The following ACSL3 variants were observed in gnomAD, a reference collection of about 807,000 sequenced individuals.
ACSL3 encodes fatty acid CoA ligase Acsl3.
Under a neutral mutation model 84.7 loss-of-function variants are expected in ACSL3, and 34 were observed. The observed-to-expected ratio is 0.40, with a 90% CI of 0.31 to 0.53. The LOEUF (loss-of-function observed/expected upper bound fraction) is 0.53. Among genes scored for constraint, ACSL3 ranks in the 20% least tolerant of loss-of-function variants. The probability of loss-of-function intolerance (pLI) is 0.48; values close to 1 mark genes in which losing one functional copy is unlikely to be tolerated. For missense variants in ACSL3, 680 were observed against 873.1 expected, an observed-to-expected ratio of 0.78 and a Z score of 2.79; for synonymous variants, 315 against 299.4, an observed-to-expected ratio of 1.05 and a Z score of -0.54.
At chr2:222,893,394 C>CT (rs1695888472) in intron 2 of ACSL3, among the ~76,000 whole-genome samples, 1 of 152,138 alleles carries the variant, frequency 6.6e-6, no homozygotes, top group African/African-American at 2.4e-5. Flanking sequence ...TTCTTCCCTC[C>CT]TTAGACAGTG....
At chr2:222,928,749 A>G (rs1696948373) in intron 12 of ACSL3, 113 bp from the exon 13 acceptor site, 1 of 886,956 alleles carries the variant, frequency 1.1e-6, no homozygotes, top group Non-Finnish European at 1.8e-6. Flanking sequence ...CTTTTAAGGA[A>G]TAGCTGGGGA....
chr2:222,861,719 C>G (rs1020416356), intron 1 of ACSL3: 5 of 152,470 alleles, frequency 3.3e-5, no homozygotes, highest in Admixed American at 1.3e-4. Flanking sequence ...GGGGCTGTTG[C>G]TGCGTGGGGT....
At chr2:222,917,757 T>C (rs1336522750) in intron 5 of ACSL3, 1 of 200,272 alleles carries the variant, frequency 5.0e-6, no homozygotes, top group Non-Finnish European at 1.0e-5. Flanking sequence ...TCAGTTATAA[T>C]TCCTTCACAA....
intron 11 of ACSL3, among the ~76,000 whole-genome samples, chr2:222,926,805 A>G (rs1696886276): frequency 6.6e-6 from 1 of 152,180 alleles, no homozygotes; most frequent in Admixed American, 6.5e-5. Context: ...TCACTTGAAA[A>G]GCTCTTAAGA....
chr2:222,932,478 A>G (rs7573229), intron 14 of ACSL3, among the ~76,000 whole-genome samples: 126,224 of 151,844 alleles, frequency 0.83, 52,739 homozygotes, highest in East Asian at 0.97. Context: ...ACAGGTGTGC[A>G]CCACCACGCC....
At chr2:222,892,749 GACAT>G (rs1421703441) in intron 2 of ACSL3, among the ~76,000 whole-genome samples, 1 of 152,190 alleles carries the variant, frequency 6.6e-6, no homozygotes, top group Non-Finnish European at 1.5e-5. Context: ...GCCTTGGAGA[GACAT>G]GTAGGTTAAT....
At chr2:222,861,485 CCTCGGCCCT>C (rs1431015928) in intron 1 of ACSL3, 1 of 152,190 alleles carries the variant, frequency 6.6e-6, no homozygotes, top group Non-Finnish European at 1.5e-5. Context: ...TGACGTGGGG[CCTCGGCCCT>C]GAGCCCACGC....
At chr2:222,935,153 T>C (rs1456304483) in intron 16 of ACSL3, among the ~76,000 whole-genome samples, 3 of 152,180 alleles carry the variant, frequency 2.0e-5, no homozygotes, top group Non-Finnish European at 2.9e-5. Context: ...GTCTTTTGAG[T>C]TGTTGTGTCA....
In ACSL3 at chr2:222,898,630, C is replaced by T. The variant is rs187053621; in HGVS notation, c.-147-2044C>T. 3.9e-3 allele frequency among the ~76,000 whole-genome samples: 591 copies of T among 152,222 alleles called. 2 individuals carry two copies. The highest frequency in any genetic ancestry group is 0.02 in the Middle Eastern group (6 of 294). On this transcript the variant is annotated intron_variant, in intron 2 of 16. Transcript: ENST00000357430. The stretch of plus-strand genomic sequence containing the variant: ...ACGAGGTAGGAGATCGAGACCATCC[C>T]GGCTAACACAGTGAAACCCTGTCTC...
chr2:222,876,737 A>T (rs1695460019), intron 1 of ACSL3, among the ~76,000 whole-genome samples: 1 of 152,138 alleles, frequency 6.6e-6, no homozygotes, highest in African/African-American at 2.4e-5. Flanking sequence ...ACTCGGCTAG[A>T]TTCTAGGAAA....
chr2:222,943,181 T>G lies in ACSL3; in HGVS notation c.*1527T>G, dbSNP rs1165616347. 2 of 226,190 alleles carry G rather than the reference T, an allele frequency of 8.8e-6. No individual in the cohort carries two copies. Among genetic ancestry groups the G allele is most frequent in the African/African-American group, 4.5e-5 (2 of 44,928 alleles). 14.0% of individuals were successfully genotyped at this position (226,190 alleles called of 1,614,324 possible). A position where few individuals can be genotyped will look rare whatever the true frequency, so the allele number is the denominator to read the frequency against. ...GCAGCCAGGACTGTGTAGTGTGTGT[T>G]TGGTTGCATCACAAACATCGTATGT... On this transcript the variant is annotated 3_prime_UTR_variant, in exon 17 of 17. Transcript: ENST00000357430.
chr2:222,903,828 A>G (rs115306861), intron 3 of ACSL3, among the ~76,000 whole-genome samples: 1,915 of 152,278 alleles, frequency 0.013, 45 homozygotes, highest in African/African-American at 0.043. Context: ...CCTCTACTGG[A>G]CTATTTAAGG....
intron 2 of ACSL3, among the ~76,000 whole-genome samples, chr2:222,890,702 C>T (rs918891885): frequency 6.6e-5 from 10 of 152,056 alleles, no homozygotes; most frequent in African/African-American, 2.2e-4. Flanking sequence ...GGTGCAGTGG[C>T]GCAATCTTGG....
chr2:222,889,134 G>T (rs1695787811), intron 2 of ACSL3, among the ~76,000 whole-genome samples: 1 of 152,148 alleles, frequency 6.6e-6, no homozygotes. Flanking sequence ...TTTTAAATAG[G>T]TAGACATTTA....
At chr2:222,930,571 T>C in intron 13 of ACSL3, 50 bp from the exon 14 acceptor site, 1 of 1,413,658 alleles carries the variant, frequency 7.1e-7, no homozygotes, top group Non-Finnish European at 9.4e-7. Flanking sequence ...GTTTCAAATT[T>C]TCATGTGTTG....
At chr2:222,927,570 T>C (rs1472113877) in intron 12 of ACSL3, among the ~76,000 whole-genome samples, 1 of 152,192 alleles carries the variant, frequency 6.6e-6, no homozygotes, top group East Asian at 1.9e-4. Flanking sequence ...ATATTAAGGC[T>C]CAGGTTCAGA....
At position 222,916,426 on chromosome 2, in the gene ACSL3, C is replaced by G. The variant is rs377468217; in HGVS notation, c.486C>G (p.Ile162Met). The part of the protein sequence containing the change: ...QMLGQKPKTN[I>M]AIFCETRAEW... ...TGGGTCAGAAACCAAAGACCAACAT[C>G]GCCATCTTCTGTGAGACCAGGGCCG... is the stretch of plus-strand genomic sequence containing the variant. Residue 162 changes from isoleucine (I) to methionine (M), a missense_variant, in exon 5 of 17, where the codon ATC (isoleucine) becomes ATG (methionine). By Grantham distance (10) the Ile-to-Met change is conservative (BLOSUM62 1). Transcript: ENST00000357430. 2.5e-6 allele frequency: 4 copies of G among 1,613,922 alleles called. No individual in the cohort carries two copies. Among genetic ancestry groups the G allele is most frequent in the East Asian group, 2.2e-5 (1 of 44,894 alleles).
chr2:222,899,570 G>T (rs533670970), intron 2 of ACSL3, among the ~76,000 whole-genome samples: 1 of 152,150 alleles, frequency 6.6e-6, no homozygotes, highest in Non-Finnish European at 1.5e-5. Context: ...CGGATCTTGC[G>T]CAAGAAAGAA....
chr2:222,927,044 G>A lies in ACSL3; in HGVS notation c.1320G>A (p.Leu440=), dbSNP rs778525422. ...DSFVFRKVRS[L]LGGNIRLLLC... ...TTGTTTTCCGGAAAGTTCGAAGCTT[G>A]CTAGGGGGAAATATTCGTCTCCTGT... Residue 440 remains leucine, a synonymous_variant, in exon 12 of 17, where the codon TTG becomes TTA. Transcript: ENST00000357430. The A allele has an allele frequency of 6.2e-7, 1 of 1,613,460 alleles. No individual in the cohort carries two copies. The highest frequency in any genetic ancestry group is 2.2e-5 in the East Asian group (1 of 44,886).
Sources: gnomAD v4.1 joint callset for allele counts (sites outside exome capture counted in the v4.1 genomes callset) on GRCh38, gnomAD v4.1.1 for gene constraint, MANE v1.5 for transcripts, NCBI Gene and HGNC (gene_info 2026-07-23, HGNC 2026-07-21) for gene names.